Variants in UBR2 observed in about 807,000 individuals in gnomAD.
The protein encoded by UBR2 is E3 ubiquitin-protein ligase UBR2.
In UBR2, 92 loss-of-function variants were observed where a neutral mutation model predicts 247.9. The observed-to-expected ratio is 0.37, with a 90% CI of 0.31 to 0.44. The LOEUF (loss-of-function observed/expected upper bound fraction) is 0.44, where lower values mean the gene tolerates loss of function less well. UBR2 is among the 20% of genes least tolerant of loss of function. The pLI, the probability that UBR2 is intolerant of heterozygous loss-of-function variation, is 1.00. For missense variants in UBR2, 1,613 were observed against 2,112.6 expected (o/e 0.76, Z 4.64); for synonymous variants, 672 against 693.5 (o/e 0.97, Z 0.49).
rs145059951 is a variant in UBR2 at position 42,586,397 on chromosome 6, A to G, written c.339-5754A>G. ...TTGAAACTTGTTTTATGGTTCGGCAACATGGTCAGTCTTATTCCATGTGCA... is the reference window on the plus strand; with the variant it reads ...TTGAAACTTGTTTTATGGTTCGGCAGCATGGTCAGTCTTATTCCATGTGCA... On this transcript the variant is annotated intron_variant, in intron 2 of 46. Coordinates refer to ENST00000372901, the MANE Select transcript of UBR2 (RefSeq NM_001363705.2). Among the ~76,000 whole-genome samples the G allele has an allele frequency of 3.6e-3, 546 of 152,292 alleles. 8 individuals carry two copies. In the Middle Eastern group the frequency reaches 0.037, roughly 10 times the overall value.
At chr6:42,638,475 A>G (rs1339265425) in intron 15 of UBR2, among the ~76,000 whole-genome samples, 1 of 152,212 alleles carries the variant, frequency 6.6e-6, no homozygotes, top group African/African-American at 2.4e-5. Flanking sequence ...TGAGGCTTAT[A>G]AAGTTGTTAT....
intron 42 of UBR2, among the ~76,000 whole-genome samples, chr6:42,681,200 A>T (rs2151991989): frequency 6.6e-6 from 1 of 150,570 alleles, no homozygotes; most frequent in African/African-American, 2.4e-5. Flanking sequence ...CAGCCTGGGT[A>T]ACATGGCGAA....
rs1006821097 is a variant in UBR2, at chr6:42,599,822, C to T, written c.532-3766C>T. On this transcript the variant is annotated intron_variant, in intron 4 of 46. Transcript: ENST00000372901. ...CATACCCTGCTAGGCTGATCTCAAA[C>T]TCCTGGGGTCAAGCAATTCTGCCTC... Among the ~76,000 whole-genome samples, 50 of 152,022 alleles carry T rather than the reference C, an allele frequency of 3.3e-4. 1 individual carries two copies. Among genetic ancestry groups the T allele is most frequent in the Admixed American group, 3.3e-4 (5 of 15,256 alleles).
chr6:42,640,913 G>A (rs776002762), intron 16 of UBR2, among the ~76,000 whole-genome samples: 4 of 151,642 alleles, frequency 2.6e-5, no homozygotes, highest in Non-Finnish European at 4.4e-5. Context: ...ATTTTTAGTA[G>A]AGACAGGGTT....
chr6:42,633,222 C>T (rs756030731), intron 13 of UBR2, among the ~76,000 whole-genome samples: 5 of 151,856 alleles, frequency 3.3e-5, no homozygotes, highest in African/African-American at 7.3e-5. Context: ...TTTCTGTCTG[C>T]GCATCTTTTC....
At chr6:42,619,820 C>T (rs1794863387) in intron 11 of UBR2, 10 of 411,350 alleles carry the variant, frequency 2.4e-5, no homozygotes, top group Non-Finnish European at 2.9e-5. Context: ...TGGGCTTAGG[C>T]AATCCTCCTG....
Position 42,632,850 on chromosome 6 carries a change from G to A in UBR2, c.1491G>A (p.Arg497=). The A allele has an allele frequency of 6.2e-7, 1 of 1,607,374 alleles. No individual in the cohort carries two copies. Among genetic ancestry groups the A allele is most frequent in the East Asian group, 2.2e-5 (1 of 44,756 alleles). ...SKPTEWSDEL[R]QKFLEGFDAF... Reference sequence around the variant, plus strand: ...CAACTGAATGGTCAGATGAGCTGAGGCAGAAGTTCCTAGAAGGGTTTGATG... The same window carrying A: ...CAACTGAATGGTCAGATGAGCTGAGACAGAAGTTCCTAGAAGGGTTTGATG... The change falls in exon 13 of 47, where the codon AGG becomes AGA. Residue 497 remains arginine, a synonymous_variant. Transcript: ENST00000372901.
intron 2 of UBR2, among the ~76,000 whole-genome samples, chr6:42,584,306 T>G (rs770301466): frequency 6.6e-6 from 1 of 152,218 alleles, no homozygotes; most frequent in South Asian, 2.1e-4. Flanking sequence ...TGAGTTGCTT[T>G]GATATCTTAT....
intron 15 of UBR2, 78 bp downstream of exon 15, chr6:42,637,272 A>T: frequency 7.0e-7 from 1 of 1,434,360 alleles, no homozygotes; most frequent in Non-Finnish European, 9.5e-7. Context: ...GTGAATACTT[A>T]CTTTGTGCCA....
intron 42 of UBR2, 83 bp from the exon 43 acceptor site, chr6:42,682,972 C>T: frequency 1.8e-6 from 2 of 1,142,544 alleles, no homozygotes; most frequent in Non-Finnish European, 2.5e-6. Flanking sequence ...TTATTTTCCT[C>T]TTATTGGCTA....
In UBR2 at chr6:42,684,342, C is replaced by T. The variant is rs983805192; in HGVS notation, c.4776-452C>T. Among the ~76,000 whole-genome samples, 7 of 151,910 alleles carry T rather than the reference C, an allele frequency of 4.6e-5. No homozygotes were observed. In the South Asian group the frequency reaches 8.3e-4, roughly 18 times the overall value. On this transcript the variant is annotated intron_variant, in intron 43 of 46. Coordinates refer to ENST00000372901, the MANE Select transcript of UBR2 (RefSeq NM_001363705.2). ...CTGTAATCCCAGCATTTTGGGAGGC[C>T]GAGGCGGGCAGATCACGAGGTCAGG...
chr6:42,602,392 C>T (rs142225410), intron 4 of UBR2, among the ~76,000 whole-genome samples: 3,537 of 151,686 alleles, frequency 0.023, 125 homozygotes, highest in African/African-American at 0.08. Flanking sequence ...TTAGTAGAGA[C>T]GGGGTTTCAC....
chr6:42,672,033 T>G (rs767301249), intron 36 of UBR2, among the ~76,000 whole-genome samples: 1 of 146,634 alleles, frequency 6.8e-6, no homozygotes, highest in Non-Finnish European at 1.5e-5. Context: ...AACCAGAAAA[T>G]TGAAGTCTTT....
In UBR2 at chr6:42,663,244, C is replaced by T. The variant is rs776105449; in HGVS notation, c.3537-14C>T. On this transcript the variant is annotated splice_polypyrimidine_tract_variant and intron_variant, in intron 31 of 46. Transcript: ENST00000372901. ...TACCATTGTTTTGATACCTCATGTT[C>T]TCTAATTGTAAAGGTATTTTGATTC... 11 of 1,581,256 alleles carry T rather than the reference C, an allele frequency of 7.0e-6. No homozygotes were observed. In the African/African-American group the frequency reaches 8.2e-5, roughly 12 times the overall value.
chr6:42,622,006 GC>G (rs1795018525), intron 11 of UBR2, among the ~76,000 whole-genome samples: 1 of 151,798 alleles, frequency 6.6e-6, no homozygotes, highest in African/African-American at 2.4e-5. Flanking sequence ...ATTATAGAGG[GC>G]TTCCCACTCT....
intron 2 of UBR2, among the ~76,000 whole-genome samples, chr6:42,579,218 G>A (rs73438606): frequency 0.022 from 3,332 of 152,280 alleles, 112 homozygotes; most frequent in African/African-American, 0.075. Flanking sequence ...AGGGGAAAGG[G>A]AAGCAGGCAC....
chr6:42,608,649 CAAAA>C (rs759827176), intron 7 of UBR2, among the ~76,000 whole-genome samples: 30 of 151,844 alleles, frequency 2.0e-4, no homozygotes, highest in Admixed American at 3.9e-4. Context: ...AAACAAAAAA[CAAAA>C]AAAACTTGCC....
At chr6:42,602,999 C>T (rs1415272266) in intron 4 of UBR2, among the ~76,000 whole-genome samples, 1 of 151,942 alleles carries the variant, frequency 6.6e-6, no homozygotes, top group African/African-American at 2.4e-5. Context: ...TTTACATTAC[C>T]CTAGAAATTC....
chr6:42,597,777 G>A (rs190009719), intron 4 of UBR2, among the ~76,000 whole-genome samples: 6 of 151,972 alleles, frequency 3.9e-5, no homozygotes, highest in East Asian at 1.9e-4. Context: ...TTAGCCGGGC[G>A]TGGTGGCACA....
Sources: gnomAD v4.1 joint callset for allele counts (sites outside exome capture counted in the v4.1 genomes callset) on GRCh38, gnomAD v4.1.1 for gene constraint, MANE v1.5 for transcripts, NCBI Gene and HGNC (gene_info 2026-07-23, HGNC 2026-07-21) for gene names.